The following MKLN1 variants were observed in gnomAD, a reference collection of about 807,000 sequenced individuals.
MKLN1 encodes the protein muskelin.
In MKLN1, 18 loss-of-function variants were observed where a neutral mutation model predicts 99.0. The ratio of observed to expected loss-of-function variants is 0.18; its 90% confidence interval spans 0.13 to 0.27. The LOEUF is 0.27. MKLN1 is among the 10% of genes least tolerant of loss of function. MKLN1 has a pLI of 1.00. For missense variants in MKLN1, 621 were observed against 875.9 expected, an observed-to-expected ratio of 0.71 and a Z score of 3.67; for synonymous variants, 288 against 293.2, an observed-to-expected ratio of 0.98 and a Z score of 0.18.
Position 131,492,067 on chromosome 7 carries a change from C to G in MKLN1, c.*4339C>G, listed in dbSNP as rs905373069. On this transcript the variant is annotated 3_prime_UTR_variant, in exon 18 of 18. Coordinates refer to ENST00000352689, the MANE Select transcript of MKLN1 (RefSeq NM_013255.5). ...TTTCATTTGGGGATAGTAATAATGG[C>G]TGTGGCAGCTTTAATGGAGAAACCT... 2 of 152,198 alleles carry G rather than the reference C, an allele frequency of 1.3e-5. No homozygotes were observed. The highest frequency in any genetic ancestry group is 4.8e-5 in the African/African-American group (2 of 41,540). The allele number at this position is 152,198 out of a possible 1,614,324, so 9.4% of individuals were successfully genotyped here.
intron 1 of MKLN1, among the ~76,000 whole-genome samples, chr7:131,362,856 C>T (rs1198905356): frequency 2.0e-5 from 3 of 151,842 alleles, no homozygotes; most frequent in African/African-American, 7.2e-5. Flanking sequence ...AAAAACTCTT[C>T]TCACTTATAT....
chr7:131,196,542 A>G lies in MKLN1; in HGVS notation c.-296-6315A>G, dbSNP rs534383959. Among the ~76,000 whole-genome samples, 88 of 151,938 alleles carry G rather than the reference A, an allele frequency of 5.8e-4. 2 individuals carry two copies. Among genetic ancestry groups the G allele is most frequent in the African/African-American group, 1.8e-3 (75 of 41,476 alleles). ...CGACACATTCATTTTTTTTTTTCCAAAACGGTGTGCTAAAATGACTGCTGA... is the reference window on the plus strand; with the variant it reads ...CGACACATTCATTTTTTTTTTTCCAGAACGGTGTGCTAAAATGACTGCTGA... On this transcript the variant is annotated intron_variant, in intron 2 of 7. Transcript: ENST00000416992.
At chr7:131,271,533 C>T (rs1027502644) in intron 3 of MKLN1, among the ~76,000 whole-genome samples, 57 of 151,512 alleles carry the variant, frequency 3.8e-4, no homozygotes, top group South Asian at 1.0e-3. Flanking sequence ...AGGAGAATGG[C>T]GTGAACCCGG....
intron 1 of MKLN1, among the ~76,000 whole-genome samples, chr7:131,134,677 T>G (rs1795620867): frequency 1.3e-5 from 2 of 152,324 alleles, no homozygotes; most frequent in South Asian, 4.1e-4. Context: ...TCAGTGCTAC[T>G]TTTAAATCCC....
Position 131,250,798 on chromosome 7 carries a change from C to T in MKLN1, c.-179+47824C>T, listed in dbSNP as rs1332084694. Among the ~76,000 whole-genome samples, 8 of 152,102 alleles carry T rather than the reference C, an allele frequency of 5.3e-5. No individual in the cohort carries two copies. The South Asian group carries it at 6.2e-4, about 12-fold the overall frequency. On this transcript the variant is annotated intron_variant, in intron 3 of 7. Coordinates refer to the MKLN1 transcript ENST00000416992. ...GATGAGGGCACAGGGAAGCAGATGC[C>T]GACTCAGGCTAACTCCAAATGTACG...
At chr7:131,322,893 C>T (rs1584600988), upstream of MKLN1, among the ~76,000 whole-genome samples, 1 of 152,300 alleles carries the variant, frequency 6.6e-6, no homozygotes, top group Non-Finnish European at 1.5e-5. Context: ...TTTAAACCAT[C>T]ACATCTCGTA....
chr7:131,213,625 T>C (rs1321009375), intron 3 of MKLN1, among the ~76,000 whole-genome samples: 1 of 152,214 alleles, frequency 6.6e-6, no homozygotes, highest in Non-Finnish European at 1.5e-5. Flanking sequence ...AAATCACCCT[T>C]GGTTGAAAAC....
intron 1 of MKLN1, 76 bp downstream of exon 1, chr7:131,328,073 GC>G: frequency 6.6e-7 from 1 of 1,519,748 alleles, no homozygotes; most frequent in Non-Finnish European, 8.8e-7. Context: ...GCAATGGAGG[GC>G]AGCCGAGCCG....
intron 2 of MKLN1, among the ~76,000 whole-genome samples, chr7:131,159,241 C>T (rs893555978): frequency 6.6e-6 from 1 of 151,910 alleles, no homozygotes; most frequent in African/African-American, 2.4e-5. Flanking sequence ...CAGAAATAAG[C>T]AAGGGTGGGG....
At chr7:131,273,796 T>G in intron 3 of MKLN1, among the ~76,000 whole-genome samples, 1 of 151,818 alleles carries the variant, frequency 6.6e-6, no homozygotes, top group Non-Finnish European at 1.5e-5. Context: ...GCTAATTTTT[T>G]ATGGGCAACA....
Position 131,420,329 on chromosome 7 carries a change from G to GA in MKLN1, c.847+5628dup, listed in dbSNP as rs531461676. 5.8e-3 allele frequency among the ~76,000 whole-genome samples: 875 copies of GA among 150,146 alleles called. 4 individuals are homozygous for GA. Among genetic ancestry groups the GA allele is most frequent in the Non-Finnish European group, 8.4e-3 (564 of 67,412 alleles). On this transcript the variant is annotated intron_variant, in intron 8 of 17. Coordinates refer to ENST00000352689, the MANE Select transcript of MKLN1 (RefSeq NM_013255.5). ...GTGGCAGGGAGAGAGAGAGAAACTA[G>GA]AAAAAAAAAGGTATCATATAGAGCT...
chr7:131,111,728 C>T (rs536708664), intron 1 of MKLN1, among the ~76,000 whole-genome samples: 3 of 151,596 alleles, frequency 2.0e-5, no homozygotes, highest in East Asian at 1.9e-4. Context: ...AAGACAAACT[C>T]GAGTAAAGAG....
chr7:131,179,639 A>G (rs1796350814), intron 2 of MKLN1, among the ~76,000 whole-genome samples: 1 of 151,984 alleles, frequency 6.6e-6, no homozygotes, highest in Non-Finnish European at 1.5e-5. Flanking sequence ...CAGTGGTGCG[A>G]TCTCGGCTCA....
chr7:131,401,837 A>C (rs535362667), intron 6 of MKLN1, among the ~76,000 whole-genome samples: 25 of 152,300 alleles, frequency 1.6e-4, no homozygotes, highest in Non-Finnish European at 2.8e-4. Flanking sequence ...CATATACCTT[A>C]ACTTAAAAAA....
intron 1 of MKLN1, among the ~76,000 whole-genome samples, chr7:131,338,204 T>G (rs1052416347): frequency 8.5e-5 from 13 of 152,232 alleles, no homozygotes; most frequent in African/African-American, 3.1e-4. Context: ...ATGTGCAGTT[T>G]AAAAGCTGAT....
At chr7:131,219,737 G>A (rs1486300513) in intron 3 of MKLN1, among the ~76,000 whole-genome samples, 1 of 152,102 alleles carries the variant, frequency 6.6e-6, no homozygotes, top group Non-Finnish European at 1.5e-5. Flanking sequence ...TCTGCAGCTC[G>A]CTTTTGTTCC....
intron 1 of MKLN1, among the ~76,000 whole-genome samples, chr7:131,122,356 A>G (rs1795386007): frequency 6.6e-6 from 1 of 152,234 alleles, no homozygotes; most frequent in Admixed American, 6.5e-5. Flanking sequence ...CTCTTGAGCT[A>G]ACACATTGAT....
intron 3 of MKLN1, among the ~76,000 whole-genome samples, chr7:131,204,602 C>T (rs56413979): frequency 0.12 from 18,042 of 151,976 alleles, 1,152 homozygotes; most frequent in Non-Finnish European, 0.16. Flanking sequence ...GAGGCTGAGG[C>T]GGGCAGATCA....
Position 131,344,159 on chromosome 7 carries a change from TGTA to T in MKLN1, c.98+16166_98+16168del, listed in dbSNP as rs138984102. Among the ~76,000 whole-genome samples the T allele has an allele frequency of 0.011, 1,713 of 150,118 alleles. 94 individuals are homozygous for T. The East Asian group carries it at 0.17, about 15-fold the overall frequency. ...AAATATTAAGTGATTATCTCTGGGT[TGTA>T]GTAATTGGGGTGATTTTTATTTTTT... On this transcript the variant is annotated intron_variant, in intron 1 of 17. Coordinates refer to ENST00000352689, the MANE Select transcript of MKLN1 (RefSeq NM_013255.5).
Sources: gnomAD v4.1 joint callset for allele counts (sites outside exome capture counted in the v4.1 genomes callset) on GRCh38, gnomAD v4.1.1 for gene constraint, MANE v1.5 for transcripts, NCBI Gene and HGNC (gene_info 2026-07-23, HGNC 2026-07-21) for gene names.